Variants in DPH6 observed in about 807,000 individuals in gnomAD.
DPH6 encodes the protein diphthine--ammonia ligase.
Under a neutral mutation model 38.2 loss-of-function variants are expected in DPH6, and 33 were observed. The ratio of observed to expected loss-of-function variants is 0.86; its 90% CI spans 0.65 to 1.15. The LOEUF (loss-of-function observed/expected upper bound fraction) is 1.15. DPH6 is among the 50% of genes most tolerant of loss of function. The pLI is 0.00. For missense variants in DPH6, 325 were observed against 320.0 expected (o/e 1.02, Z -0.12); for synonymous variants, 108 against 103.0 (o/e 1.05, Z -0.30).
intron 5 of DPH6, among the ~76,000 whole-genome samples, chr15:35,436,282 T>G (rs56034763): frequency 2.0e-5 from 3 of 150,802 alleles, no homozygotes; most frequent in Middle Eastern, 3.4e-3. Flanking sequence ...TTGGCTAACA[T>G]GGTGAAACCC....
chr15:35,275,799 G>A (rs2051854314), intron 3 of DPH6, among the ~76,000 whole-genome samples: 1 of 151,740 alleles, frequency 6.6e-6, no homozygotes, highest in Non-Finnish European at 1.5e-5. Flanking sequence ...TTATGGTTGA[G>A]TTGTATTCCA....
intron 3 of DPH6, among the ~76,000 whole-genome samples, chr15:35,346,846 T>C (rs1217293981): frequency 6.6e-6 from 1 of 152,166 alleles, no homozygotes; most frequent in Non-Finnish European, 1.5e-5. Flanking sequence ...AATTTCTCTT[T>C]ATATTTATTC....
At chr15:35,415,941 A>G (rs2053430377) in intron 5 of DPH6, among the ~76,000 whole-genome samples, 1 of 152,006 alleles carries the variant, frequency 6.6e-6, no homozygotes, top group Admixed American at 6.6e-5. Flanking sequence ...AGTTAATAAT[A>G]AAATAAACTT....
rs1057181299 is a variant in DPH6 at position 35,251,298 on chromosome 15, G to A, written n.201-30716C>T. ...CCCCTCCTGCAACTAACTGGCTATGGATTCTCATCAATTCTACATCAGAAA... is the reference window on the plus strand; with the variant it reads ...CCCCTCCTGCAACTAACTGGCTATGAATTCTCATCAATTCTACATCAGAAA... On this transcript the variant is annotated intron_variant and non_coding_transcript_variant, in intron 3 of 3. Transcript: ENST00000560386. Among the ~76,000 whole-genome samples the A allele has an allele frequency of 6.6e-5, 10 of 152,102 alleles. No homozygotes were observed. The South Asian group carries it at 1.2e-3, about 19-fold the overall frequency.
chr15:35,345,960 A>G (rs1468015750), intron 3 of DPH6, among the ~76,000 whole-genome samples: 1 of 152,014 alleles, frequency 6.6e-6, no homozygotes, highest in Non-Finnish European at 1.5e-5. Flanking sequence ...TAAAATATTT[A>G]CATCCTTACT....
At chr15:35,295,395 T>A (rs909056500) in intron 3 of DPH6, among the ~76,000 whole-genome samples, 2 of 152,198 alleles carry the variant, frequency 1.3e-5, no homozygotes, top group African/African-American at 4.8e-5. Context: ...TTTTCCTGAG[T>A]ACTTCAAAAT....
intron 3 of DPH6, among the ~76,000 whole-genome samples, chr15:35,316,768 C>T (rs563653495): frequency 6.6e-6 from 1 of 152,186 alleles, no homozygotes; most frequent in South Asian, 2.1e-4. Context: ...CACAGTAAAA[C>T]TGATGAAAAC....
intron 6 of DPH6, among the ~76,000 whole-genome samples, chr15:35,389,148 G>C (rs1595522312): frequency 6.6e-6 from 1 of 152,196 alleles, no homozygotes; most frequent in African/African-American, 2.4e-5. Flanking sequence ...TAGTTGAGCG[G>C]TTTTGAGTGA....
chr15:35,498,100 A>G lies in DPH6; in HGVS notation c.312+40174T>C, dbSNP rs192551777. 2.8e-4 allele frequency among the ~76,000 whole-genome samples: 42 copies of G among 152,284 alleles called. 1 individual carries two copies. Among genetic ancestry groups the G allele is most frequent in the African/African-American group, 8.2e-4 (34 of 41,562 alleles). On this transcript the variant is annotated intron_variant, in intron 3 of 8. Transcript: ENST00000256538. ...CAGCACTATGCAAGTTCATATTTTA[A>G]TAGTTGGCACCTTCTCTCCATTGAG...
intron 3 of DPH6, among the ~76,000 whole-genome samples, chr15:35,261,780 C>T (rs1191086524): frequency 6.6e-6 from 1 of 151,850 alleles, no homozygotes; most frequent in Non-Finnish European, 1.5e-5. Flanking sequence ...CTTCAGTAAG[C>T]CCTGATCTCA....
the DPH6 span, among the ~76,000 whole-genome samples, chr15:35,168,808 T>C: frequency 6.6e-6 from 1 of 152,152 alleles, no homozygotes; most frequent in Non-Finnish European, 1.5e-5. Flanking sequence ...CTACTCCTAG[T>C]AGAACAACAA....
At chr15:35,441,809 T>TA (rs71123130) in intron 5 of DPH6, among the ~76,000 whole-genome samples, 150,908 of 151,840 alleles carry the variant, frequency 0.99, 74,998 homozygotes, top group East Asian at 1. Flanking sequence ...TAAAGTATAA[T>TA]AAAAAAAATG....
chr15:35,262,347 C>T (rs962207555), intron 3 of DPH6, among the ~76,000 whole-genome samples: 42 of 152,194 alleles, frequency 2.8e-4, no homozygotes, highest in African/African-American at 9.6e-4. Flanking sequence ...ACTCAGAATA[C>T]ATTTAATTCA....
chr15:35,411,154 C>A (rs939093921), intron 5 of DPH6, among the ~76,000 whole-genome samples: 1 of 151,512 alleles, frequency 6.6e-6, no homozygotes, highest in African/African-American at 2.4e-5. Flanking sequence ...TGTTTCAATT[C>A]CTTTATCCAT....
chr15:35,434,122 T>C (rs544727502), intron 5 of DPH6, among the ~76,000 whole-genome samples: 1 of 152,284 alleles, frequency 6.6e-6, no homozygotes, highest in South Asian at 2.1e-4. Flanking sequence ...AGCAGATACA[T>C]TTCTGAAAAA....
At chr15:35,507,554 C>T (rs1008851327) in intron 3 of DPH6, among the ~76,000 whole-genome samples, 3 of 151,872 alleles carry the variant, frequency 2.0e-5, no homozygotes, top group African/African-American at 7.3e-5. Context: ...TAAAATTTTA[C>T]CCCATAAGCA....
intron 3 of DPH6, among the ~76,000 whole-genome samples, chr15:35,496,568 ATATATATAT>A (rs1245574410): frequency 7.9e-5 from 4 of 50,700 alleles, no homozygotes; most frequent in African/African-American, 3.7e-4. Flanking sequence ...AAAAAAAAAA[ATATATATAT>A]ATATATATAT....
intron 6 of DPH6, among the ~76,000 whole-genome samples, chr15:35,394,849 A>C (rs2053110349): frequency 6.6e-6 from 1 of 152,064 alleles, no homozygotes; most frequent in Non-Finnish European, 1.5e-5. Context: ...TTTATTTTTT[A>C]CTCTTTTCCA....
At chr15:35,384,452 C>T (rs1157235063) in intron 6 of DPH6, among the ~76,000 whole-genome samples, 2 of 151,924 alleles carry the variant, frequency 1.3e-5, no homozygotes, top group Non-Finnish European at 2.9e-5. Context: ...ACTTCAAGGC[C>T]GAGGCCAGGA....
Sources: allele counts gnomAD v4.1 joint callset (sites outside exome capture counted in the v4.1 genomes callset), GRCh38; gene constraint gnomAD v4.1.1; transcripts MANE v1.5; gene names NCBI Gene and HGNC (gene_info 2026-07-23, HGNC 2026-07-21).